HLCS: variants seen among roughly 807,000 people sequenced by gnomAD.
HLCS encodes the protein biotin--protein ligase.
In HLCS, 53 loss-of-function variants were observed where a neutral mutation model predicts 75.0. The observed-to-expected ratio is 0.71, with a 90% CI of 0.57 to 0.89. The LOEUF (loss-of-function observed/expected upper bound fraction) is 0.89, where lower values mean the gene tolerates loss of function less well. Among genes scored for constraint, HLCS ranks in the 40% least tolerant of loss-of-function variants. HLCS has a pLI of 0.00. For missense variants in HLCS, 966 were observed against 1,074.0 expected (o/e 0.90, Z 1.41); for synonymous variants, 431 against 428.6 (o/e 1.01, Z -0.07).
intron 1 of HLCS, 68 bp downstream of exon 1, chr21:36,966,376 C>T: frequency 1.5e-6 from 1 of 670,132 alleles, no homozygotes; most frequent in Non-Finnish European, 1.8e-6. Flanking sequence ...CCGGCGGGGA[C>T]GAGGCGCAGG....
chr21:36,802,618 C>A (rs959514210), intron 6 of HLCS, among the ~76,000 whole-genome samples: 22 of 152,188 alleles, frequency 1.4e-4, no homozygotes, highest in African/African-American at 5.3e-4. Flanking sequence ...AGTGGCACAG[C>A]CAAGGCTTCA....
At chr21:36,929,931 A>T (rs1183881665) in intron 5 of HLCS, among the ~76,000 whole-genome samples, 10 of 152,214 alleles carry the variant, frequency 6.6e-5, no homozygotes, top group African/African-American at 2.4e-4. Context: ...TCAAGTCAAA[A>T]CAAATGTTTT....
chr21:36,820,560 C>T (rs906902516), intron 6 of HLCS, among the ~76,000 whole-genome samples: 2 of 152,194 alleles, frequency 1.3e-5, no homozygotes, highest in East Asian at 3.9e-4. Context: ...ATGCTCAGGG[C>T]GGCGCTGACA....
At chr21:36,775,999 A>C (rs1181492916) in intron 6 of HLCS, among the ~76,000 whole-genome samples, 1 of 152,238 alleles carries the variant, frequency 6.6e-6, no homozygotes, top group Non-Finnish European at 1.5e-5. Context: ...GTCCTTCCTC[A>C]CAGACAAGAG....
At chr21:36,976,094 C>T (rs898845349) in intron 1 of HLCS, among the ~76,000 whole-genome samples, 8 of 152,180 alleles carry the variant, frequency 5.3e-5, no homozygotes, top group Non-Finnish European at 1.0e-4. Flanking sequence ...GCAAAGAATG[C>T]TCTATACCCG....
intron 6 of HLCS, among the ~76,000 whole-genome samples, chr21:36,856,102 C>T (rs540450996): frequency 6.6e-5 from 10 of 152,176 alleles, no homozygotes; most frequent in African/African-American, 2.4e-4. Flanking sequence ...CTAATGGGTA[C>T]AGGGTTTCTT....
chr21:36,915,380 C>A (rs113601081), intron 5 of HLCS, among the ~76,000 whole-genome samples: 2,078 of 152,224 alleles, frequency 0.014, 40 homozygotes, highest in African/African-American at 0.048. Flanking sequence ...AGAAGCGGCC[C>A]CATATCAAGA....
In HLCS at chr21:36,938,704, T is replaced by C. The variant is rs753187909; in HGVS notation, c.493+128A>G. 6.4e-5 allele frequency: 59 copies of C among 916,922 alleles called. 1 individual carries two copies. Among genetic ancestry groups the C allele is most frequent in the Non-Finnish European group, 9.0e-5 (51 of 568,008 alleles). 56.8% of individuals were successfully genotyped at this position (916,922 alleles called of 1,614,324 possible). A position where few individuals can be genotyped will look rare whatever the true frequency, so the allele number is the denominator to read the frequency against. On this transcript the variant is annotated intron_variant, in intron 3 of 10. Coordinates refer to ENST00000674895, the MANE Select transcript of HLCS (RefSeq NM_001352514.2). ...TTGTTTTTTTGGAGATAGGGGTCTA[T>C]GCTGCTCAGGCTGGTCTCGAACTCC...
chr21:36,937,418 C>G (rs1190971916), intron 3 of HLCS, 26 bp from the exon 4 acceptor site: 1 of 1,576,168 alleles, frequency 6.3e-7, no homozygotes, highest in Non-Finnish European at 8.7e-7. Flanking sequence ...GAGAGAGAGA[C>G]AGAAAATTAA....
At chr21:36,775,574 T>C (rs773458500) in intron 6 of HLCS, among the ~76,000 whole-genome samples, 30 of 152,218 alleles carry the variant, frequency 2.0e-4, no homozygotes, top group Non-Finnish European at 3.8e-4. Flanking sequence ...ACGGCGAGCC[T>C]TCACTGCGCC....
chr21:36,805,738 G>T (rs1355826710), intron 6 of HLCS, among the ~76,000 whole-genome samples: 1 of 152,180 alleles, frequency 6.6e-6, no homozygotes, highest in Non-Finnish European at 1.5e-5. Context: ...TTAATTCTCT[G>T]CACTGGGGAC....
At chr21:36,877,631 T>C (rs2064036138) in intron 6 of HLCS, among the ~76,000 whole-genome samples, 1 of 152,160 alleles carries the variant, frequency 6.6e-6, no homozygotes, top group Admixed American at 6.5e-5. Context: ...TAGGTAGATA[T>C]ATGTGTGTTG....
intron 6 of HLCS, among the ~76,000 whole-genome samples, chr21:36,895,246 C>T (rs915443877): frequency 2.0e-5 from 3 of 152,240 alleles, no homozygotes; most frequent in Admixed American, 2.0e-4. Context: ...AATAACTTGT[C>T]TCATTTTTTT....
At chr21:36,939,032 C>T (rs1388108322) in intron 2 of HLCS, 38 bp from the exon 3 acceptor site, 1 of 1,562,692 alleles carries the variant, frequency 6.4e-7, no homozygotes, top group East Asian at 2.3e-5. Flanking sequence ...TGGGAAAAGA[C>T]AGGTTGAGAT....
intron 6 of HLCS, among the ~76,000 whole-genome samples, chr21:36,865,989 A>G (rs2063540572): frequency 6.6e-6 from 1 of 152,248 alleles, no homozygotes; most frequent in Non-Finnish European, 1.5e-5. Flanking sequence ...ATTGTAAAAT[A>G]ATACTCAACT....
chr21:36,850,579 G>A (rs1393020701), intron 6 of HLCS, among the ~76,000 whole-genome samples: 2 of 152,222 alleles, frequency 1.3e-5, no homozygotes, highest in Admixed American at 6.5e-5. Flanking sequence ...GACCACACAC[G>A]CATGCCTGTC....
intron 6 of HLCS, among the ~76,000 whole-genome samples, chr21:36,820,058 G>A (rs549594226): frequency 7.8e-4 from 119 of 152,302 alleles, no homozygotes; most frequent in African/African-American, 2.6e-3. Context: ...CAGGCTGTGC[G>A]ACCCATGGAG....
chr21:36,888,486 A>ATT (rs2064622501), intron 6 of HLCS, among the ~76,000 whole-genome samples: 1 of 82,926 alleles, frequency 1.2e-5, no homozygotes. Flanking sequence ...ATATATATAT[A>ATT]TATATATATA....
chr21:36,758,418 T>C (rs945692264), intron 9 of HLCS, among the ~76,000 whole-genome samples: 2 of 152,140 alleles, frequency 1.3e-5, no homozygotes, highest in African/African-American at 4.8e-5. Flanking sequence ...CTATTTTTTA[T>C]GTTTTATTTT....
Sources: gnomAD v4.1 joint callset for allele counts (sites outside exome capture counted in the v4.1 genomes callset) on GRCh38, gnomAD v4.1.1 for gene constraint, MANE v1.5 for transcripts, NCBI Gene and HGNC (gene_info 2026-07-23, HGNC 2026-07-21) for gene names.